The following SMG6 variants were observed in gnomAD, a reference collection of about 807,000 sequenced individuals.
SMG6 encodes SMG6 nonsense mediated mRNA decay factor, also known as telomerase-binding protein EST1A.
Under a neutral mutation model 142.2 loss-of-function variants are expected in SMG6, and 66 were observed. The ratio of observed to expected loss-of-function variants is 0.46; its 90% CI spans 0.38 to 0.57. The LOEUF is 0.57. Ranked by LOEUF, SMG6 falls within the 20% of genes least tolerant of loss-of-function variation. The pLI, the probability that SMG6 is intolerant of heterozygous loss-of-function variation, is 0.00. For missense variants in SMG6, 1,793 were observed against 1,832.0 expected, an observed-to-expected ratio of 0.98 and a Z score of 0.39; for synonymous variants, 779 against 702.4, an observed-to-expected ratio of 1.11 and a Z score of -1.72.
In SMG6 at chr17:2,067,036, C is replaced by T. The variant is rs183921978; in HGVS notation, c.3836-1357G>A. On this transcript the variant is annotated intron_variant, in intron 16 of 18. Transcript: ENST00000263073. The stretch of plus-strand genomic sequence containing the variant: ...GTCTACCAAGGAAAGCATCAGTAAA[C>T]AGGAGCCCTCCTCTTACAGCCTCTG... Among the ~76,000 whole-genome samples the T allele has an allele frequency of 3.8e-3, 575 of 152,302 alleles. 5 individuals carry two copies. Among genetic ancestry groups the T allele is most frequent in the African/African-American group, 0.011 (474 of 41,568 alleles).
At position 2,065,501 on chromosome 17, in the gene SMG6, G is replaced by A. The variant is rs375650509; in HGVS notation, c.4014C>T (p.Ile1338=). ...LTSRGNELES[I]AFRSEDITGQ... is the part of the protein sequence containing the mutation. Reference sequence around the variant, plus strand: ...CAGTGATGTCCTCACTGCGGAAGGCGATGGATTCGAGTTCATTGCCACGGC... The same window carrying A: ...CAGTGATGTCCTCACTGCGGAAGGCAATGGATTCGAGTTCATTGCCACGGC... Residue 1338 remains isoleucine (I), a synonymous_variant, in exon 17 of 19, where the codon ATC becomes ATT. Transcript: ENST00000263073. The A allele has an allele frequency of 5.6e-5, 91 of 1,613,414 alleles. No individual in the cohort carries two copies. The highest frequency in any genetic ancestry group is 1.2e-4 in the Admixed American group (7 of 60,008).
rs147760228 is a variant in SMG6, at chr17:2,292,891, C to T, written c.2238G>A (p.Ala746=). 4.3e-6 allele frequency: 7 copies of T among 1,613,876 alleles called. No homozygotes were observed. Among genetic ancestry groups the T allele is most frequent in the African/African-American group, 4.0e-5 (3 of 74,880 alleles). Reference sequence around the variant, plus strand: ...AGTACCTGCGTGCTTTCCCATAATTCGCTGTATCACTGGCTTGCTCCCGGT... The same window carrying T: ...AGTACCTGCGTGCTTTCCCATAATTTGCTGTATCACTGGCTTGCTCCCGGT... The part of the protein sequence containing the change: ...ARYREQASDT[A]NYGKARSWYL... The change falls in exon 5 of 19, where the codon GCG becomes GCA. Residue 746 remains alanine, a synonymous_variant. Transcript: ENST00000263073.
In SMG6 at chr17:2,292,502, G is replaced by A. The variant is rs147256022; in HGVS notation, c.2337+50C>T. On this transcript the variant is annotated intron_variant, in intron 6 of 18. Coordinates refer to ENST00000263073, the MANE Select transcript of SMG6 (RefSeq NM_017575.5). Reference sequence around the variant, plus strand: ...AACTGATATTATCAAACTCCATATTGTAAGATACTTCCTGCAAAGCACTTT... The same window carrying A: ...AACTGATATTATCAAACTCCATATTATAAGATACTTCCTGCAAAGCACTTT... 1.8e-4 allele frequency: 287 copies of A among 1,556,324 alleles called. 1 individual carries two copies. The East Asian group carries it at 5.4e-3, about 29-fold the overall frequency.
intron 13 of SMG6, 37 bp downstream of exon 13, chr17:2,172,621 G>A (rs368912329): frequency 2.5e-6 from 4 of 1,601,852 alleles, no homozygotes; most frequent in African/African-American, 1.3e-5. Flanking sequence ...ATTAAGAGGA[G>A]GGGCGAATGG....
At chr17:2,181,332 C>A (rs1461220173) in intron 12 of SMG6, among the ~76,000 whole-genome samples, 1 of 152,204 alleles carries the variant, frequency 6.6e-6, no homozygotes, top group Non-Finnish European at 1.5e-5. Context: ...CAGGTTTGCT[C>A]TGTTGAACGC....
At chr17:2,258,429 A>G (rs1389269812) in intron 8 of SMG6, among the ~76,000 whole-genome samples, 1 of 151,982 alleles carries the variant, frequency 6.6e-6, no homozygotes, top group African/African-American at 2.4e-5. Context: ...GTTATGGCAC[A>G]TGCCTGTAAT....
chr17:2,181,028 G>A (rs889468852), intron 12 of SMG6, among the ~76,000 whole-genome samples: 11 of 152,148 alleles, frequency 7.2e-5, no homozygotes, highest in Admixed American at 2.0e-4. Flanking sequence ...CTTTACAAGC[G>A]TCAGGGGGGT....
intron 13 of SMG6, among the ~76,000 whole-genome samples, chr17:2,111,115 T>C (rs2069303040): frequency 6.6e-6 from 1 of 152,186 alleles, no homozygotes; most frequent in Non-Finnish European, 1.5e-5. Flanking sequence ...AAATATTTAT[T>C]AAGCACATGC....
intron 13 of SMG6, among the ~76,000 whole-genome samples, chr17:2,171,356 A>AGT (rs10601842): frequency 0.39 from 58,076 of 149,288 alleles, 11,444 homozygotes; most frequent in East Asian, 0.69. Context: ...AAAATGAAAG[A>AGT]GTGTGTGTGT....
At chr17:2,228,331 C>T (rs542080188) in intron 10 of SMG6, among the ~76,000 whole-genome samples, 4 of 152,250 alleles carry the variant, frequency 2.6e-5, no homozygotes, top group South Asian at 4.1e-4. Context: ...CAGGTTCAAG[C>T]GATTCTCCTG....
intron 9 of SMG6, 74 bp from the exon 10 acceptor site, chr17:2,236,711 A>T (rs879482980): frequency 1.1e-3 from 337 of 309,896 alleles, no homozygotes; most frequent in Admixed American, 5.6e-3. Context: ...TCACACACAC[A>T]CACACACACA....
chr17:2,177,591 T>C (rs1448144195), intron 12 of SMG6, among the ~76,000 whole-genome samples: 1 of 152,226 alleles, frequency 6.6e-6, no homozygotes, highest in Admixed American at 6.5e-5. Flanking sequence ...ATTTCCTGTG[T>C]AATACCAGCT....
chr17:2,247,718 G>C lies in SMG6; in HGVS notation c.2662-2999C>G, dbSNP rs564981619. ...AAATCACTTGAACTTGGGAGGCGGA[G>C]ACTGCAGTGAGCCATGATTGCTCCA... On this transcript the variant is annotated intron_variant, in intron 8 of 18. Coordinates refer to ENST00000263073, the MANE Select transcript of SMG6 (RefSeq NM_017575.5). Among the ~76,000 whole-genome samples, 4 of 152,236 alleles carry C rather than the reference G, an allele frequency of 2.6e-5. No individual in the cohort carries two copies. In the South Asian group the frequency reaches 8.3e-4, roughly 32 times the overall value.
At chr17:2,082,045 C>G in intron 14 of SMG6, 89 bp from the exon 15 acceptor site, 1 of 1,401,596 alleles carries the variant, frequency 7.1e-7, no homozygotes, top group Non-Finnish European at 1.0e-6. Context: ...CTTGTGGCCC[C>G]TCACCCACGC....
Position 2,065,506 on chromosome 17 carries a change from A to G in SMG6, c.4009T>C (p.Ser1337Pro). The change falls in exon 17 of 19, where the codon TCC becomes CCC. Residue 1337 changes from serine (S) to proline (P), a missense_variant. Physicochemically the swap from Ser to Pro is moderately conservative, Grantham distance 74 (BLOSUM62 -1). Coordinates refer to ENST00000263073, the MANE Select transcript of SMG6 (RefSeq NM_017575.5). Reference protein sequence around the residue: ...ALTSRGNELESIAFRSEDITG... With the variant: ...ALTSRGNELEPIAFRSEDITG... ...ATGTCCTCACTGCGGAAGGCGATGG[A>G]TTCGAGTTCATTGCCACGGCTGGTC... 3 of 1,613,720 alleles carry G rather than the reference A, an allele frequency of 1.9e-6. No homozygotes were observed. The highest frequency in any genetic ancestry group is 2.5e-6 in the Non-Finnish European group (3 of 1,179,996).
At chr17:2,074,728 G>C (rs1342614043) in intron 15 of SMG6, among the ~76,000 whole-genome samples, 2 of 152,160 alleles carry the variant, frequency 1.3e-5, no homozygotes, top group African/African-American at 4.8e-5. Context: ...GGACTTCGGG[G>C]GACAGTGGGC....
chr17:2,088,745 TGA>T, intron 13 of SMG6: 3 of 985,358 alleles, frequency 3.0e-6, no homozygotes, highest in Non-Finnish European at 2.4e-6. Context: ...ATGGAGAAAC[TGA>T]GAGGCAGAAT....
intron 1 of SMG6, 199 bp downstream of exon 1, chr17:2,303,434 G>A (rs937575825): frequency 1.1e-5 from 14 of 1,293,900 alleles, no homozygotes; most frequent in Non-Finnish European, 1.3e-5. Context: ...CCCGGAGCTG[G>A]CCAGGACTGG....
chr17:2,186,845 G>T lies in SMG6; in HGVS notation c.2987-14C>A, dbSNP rs1168750467. On this transcript the variant is annotated splice_polypyrimidine_tract_variant and intron_variant, in intron 11 of 18. Transcript: ENST00000263073. The stretch of plus-strand genomic sequence containing the variant: ...AGGACAGCTGAGCTGCAGAGGCAAA[G>T]GGTGAGAACTGGGCCTATGTCTGCT... 2 of 1,613,278 alleles carry T rather than the reference G, an allele frequency of 1.2e-6. No homozygotes were observed. The highest frequency in any genetic ancestry group is 2.2e-5 in the South Asian group (2 of 90,874).
Sources: gnomAD v4.1 joint callset for allele counts (sites outside exome capture counted in the v4.1 genomes callset) on GRCh38, gnomAD v4.1.1 for gene constraint, MANE v1.5 for transcripts, NCBI Gene and HGNC (gene_info 2026-07-23, HGNC 2026-07-21) for gene names.